Variants in SLC35F3 observed in about 807,000 individuals in gnomAD.
SLC35F3 encodes the protein putative thiamine transporter SLC35F3.
In SLC35F3, 25 loss-of-function variants were observed where a neutral mutation model predicts 49.9. That is an observed-to-expected ratio of 0.50 (90% CI 0.37 to 0.70). The LOEUF (loss-of-function observed/expected upper bound fraction) is 0.70, where lower values mean the gene tolerates loss of function less well. Ranked by LOEUF, SLC35F3 falls within the 30% of genes least tolerant of loss-of-function variation. The pLI is 0.00. For synonymous variants in SLC35F3, 275 were observed against 265.4 expected (o/e 1.04, Z -0.35); for missense variants, 525 against 639.8 (o/e 0.82, Z 1.94).
intron 2 of SLC35F3, among the ~76,000 whole-genome samples, chr1:234,059,075 G>A (rs979092719): frequency 2.0e-5 from 3 of 152,008 alleles, no homozygotes; most frequent in African/African-American, 7.2e-5. Flanking sequence ...TTCTTGGTCA[G>A]TCTAGCTACT....
At chr1:234,149,433 G>A (rs1049570408) in intron 2 of SLC35F3, among the ~76,000 whole-genome samples, 1 of 152,180 alleles carries the variant, frequency 6.6e-6, no homozygotes, top group African/African-American at 2.4e-5. Context: ...ATGGTGATGT[G>A]CCTGCTGACT....
chr1:234,146,481 C>CTTTTTTTTTTTTTTTTTTTTTTTT (rs869146212), intron 2 of SLC35F3, among the ~76,000 whole-genome samples: 4 of 74,050 alleles, frequency 5.4e-5, no homozygotes, highest in Non-Finnish European at 6.8e-5. Flanking sequence ...GATATTTGCT[C>CTTTTTTTTTTTTTTTTTTTTTTTT]TTTTTTTTTT....
intron 2 of SLC35F3, among the ~76,000 whole-genome samples, chr1:233,978,573 C>T (rs1449453463): frequency 6.6e-6 from 1 of 152,216 alleles, no homozygotes; most frequent in Non-Finnish European, 1.5e-5. Context: ...ACTGCGGCTG[C>T]AATCCAGGAT....
intron 2 of SLC35F3, among the ~76,000 whole-genome samples, chr1:234,083,384 G>A (rs1319780878): frequency 6.6e-6 from 1 of 152,148 alleles, no homozygotes; most frequent in Non-Finnish European, 1.5e-5. Context: ...TTAGTATCTT[G>A]TTTTTTCATT....
At chr1:234,113,891 G>T (rs1211152295) in intron 2 of SLC35F3, among the ~76,000 whole-genome samples, 1 of 152,122 alleles carries the variant, frequency 6.6e-6, no homozygotes, top group Admixed American at 6.5e-5. Flanking sequence ...AAAAGGTTTT[G>T]GTGACACGTA....
chr1:234,191,519 A>G (rs1459270280), intron 2 of SLC35F3, among the ~76,000 whole-genome samples: 2 of 152,162 alleles, frequency 1.3e-5, no homozygotes, highest in African/African-American at 2.4e-5. Flanking sequence ...TAGGCAATCT[A>G]AGACCACACC....
At chr1:234,118,334 G>A (rs1665523309) in intron 2 of SLC35F3, among the ~76,000 whole-genome samples, 2 of 152,120 alleles carry the variant, frequency 1.3e-5, no homozygotes, top group Admixed American at 6.5e-5. Context: ...TGTATGAAGA[G>A]TTTGTATCGT....
chr1:234,196,794 T>C (rs981849354), intron 2 of SLC35F3, among the ~76,000 whole-genome samples: 1 of 152,018 alleles, frequency 6.6e-6, no homozygotes, highest in Admixed American at 6.6e-5. Flanking sequence ...ATACAAAAAT[T>C]AGCCAGGCGT....
chr1:234,043,984 T>C (rs1469549482), intron 2 of SLC35F3, among the ~76,000 whole-genome samples: 1 of 152,198 alleles, frequency 6.6e-6, no homozygotes, highest in East Asian at 1.9e-4. Flanking sequence ...TGAAATTTAG[T>C]TGCCAATGTA....
intron 2 of SLC35F3, among the ~76,000 whole-genome samples, chr1:233,961,643 A>T (rs1428527174): frequency 6.6e-6 from 1 of 151,778 alleles, no homozygotes; most frequent in Non-Finnish European, 1.5e-5. Flanking sequence ...TTTGGTAGAG[A>T]TGGGGTTTCA....
chr1:234,323,377 T>A lies in SLC35F3; in HGVS notation c.*134T>A, dbSNP rs1388875695. 2.8e-6 allele frequency: 2 copies of A among 708,126 alleles called. No individual in the cohort carries two copies. Among genetic ancestry groups the A allele is most frequent in the African/African-American group, 1.8e-5 (1 of 55,786 alleles). 43.9% of individuals were successfully genotyped at this position (708,126 alleles called of 1,614,324 possible). On this transcript the variant is annotated 3_prime_UTR_variant, in exon 8 of 8. Transcript: ENST00000366618. This position sits in a 1 kb window ranked among gnomAD's most constrained non-coding sequence, Gnocchi z 4.5. ...AAGTTCTATGGTATTTATTGGCATG[T>A]CCAATTTGCTTGCACTTTTCCACAT...
In SLC35F3 at chr1:233,904,774, G is replaced by T. The variant is rs1303808612; in HGVS notation, c.-304G>T. 2.0e-5 allele frequency among the ~76,000 whole-genome samples: 3 copies of T among 151,574 alleles called. No homozygotes were observed. The highest frequency in any genetic ancestry group is 2.9e-5 in the Non-Finnish European group (2 of 67,842). ...ACTCACGCCTGCGGTGTGCTAGGGC[G>T]GCGGCGACGGTGACGGGCGTGGGGC... On this transcript the variant is annotated 5_prime_UTR_variant, in exon 1 of 8. Transcript: ENST00000366618.
At chr1:233,991,417 C>T (rs61088922) in intron 2 of SLC35F3, among the ~76,000 whole-genome samples, 8,625 of 150,398 alleles carry the variant, frequency 0.057, 605 homozygotes, top group African/African-American at 0.17. Flanking sequence ...TCAGATCCTG[C>T]AAACTAACTT....
chr1:234,318,869 C>A lies in SLC35F3; in HGVS notation c.1073C>A (p.Thr358Asn). The A allele has an allele frequency of 6.2e-7, 1 of 1,614,058 alleles. No homozygotes were observed. Among genetic ancestry groups the A allele is most frequent in the South Asian group, 1.1e-5 (1 of 91,084 alleles). Residue 358 changes from threonine (T) to asparagine (N), a missense_variant, in exon 6 of 8, where the codon ACC becomes AAC. By Grantham distance (65) the Thr-to-Asn change is moderately conservative (BLOSUM62 0). Coordinates refer to ENST00000366618, the MANE Select transcript of SLC35F3 (RefSeq NM_173508.4). ...ITCIPIILYF[T>N]KVEYWSSFDD... ...TGCATTCCTATTATCCTCTACTTTA[C>A]CAAAGTGGAATACTGGAGCTCTTTT...
At chr1:234,215,288 G>T (rs1326048079) in intron 2 of SLC35F3, among the ~76,000 whole-genome samples, 1 of 152,200 alleles carries the variant, frequency 6.6e-6, no homozygotes, top group Non-Finnish European at 1.5e-5. Context: ...GGAAATGTGA[G>T]CGAGAGGACA....
intron 2 of SLC35F3, among the ~76,000 whole-genome samples, chr1:233,907,561 G>A (rs79323555): frequency 1.3e-3 from 205 of 152,314 alleles, no homozygotes; most frequent in African/African-American, 4.5e-3. Context: ...CTCTATTCCT[G>A]TGAGGATTCT....
In SLC35F3 at chr1:233,904,917, C is replaced by G. The variant is rs1469121704; in HGVS notation, c.-161C>G. Reference sequence around the variant, plus strand: ...CGCCGCGGAGGCGCTCGGGTACAGACCGCGCGGGCGCGCACAAAGCGGCCC... The same window carrying G: ...CGCCGCGGAGGCGCTCGGGTACAGAGCGCGCGGGCGCGCACAAAGCGGCCC... On this transcript the variant is annotated 5_prime_UTR_variant, in exon 1 of 8. Coordinates refer to ENST00000366618, the MANE Select transcript of SLC35F3 (RefSeq NM_173508.4). 1.5e-6 allele frequency: 1 copy of G among 684,538 alleles called. No homozygotes were observed. The allele number at this position is 684,538 out of a possible 1,614,324, so 42.4% of individuals were successfully genotyped here. A position where few individuals can be genotyped will look rare whatever the true frequency, so the allele number is the denominator to read the frequency against.
chr1:234,169,202 AC>A (rs1319067663), intron 2 of SLC35F3, among the ~76,000 whole-genome samples: 1 of 152,092 alleles, frequency 6.6e-6, no homozygotes, highest in Non-Finnish European at 1.5e-5. Context: ...GAGGATGCCC[AC>A]CCGCATTGGC....
chr1:234,200,771 G>T (rs141920041), intron 2 of SLC35F3, among the ~76,000 whole-genome samples: 432 of 152,260 alleles, frequency 2.8e-3, no homozygotes, highest in Non-Finnish European at 4.0e-3. Flanking sequence ...TGAAATGCAG[G>T]CAGGTCCCAT....
Sources: gnomAD v4.1 joint callset for allele counts (sites outside exome capture counted in the v4.1 genomes callset) on GRCh38, gnomAD v4.1.1 for gene constraint, Gnocchi (gnomAD v3.1) non-coding constraint, MANE v1.5 for transcripts, NCBI Gene and HGNC (gene_info 2026-07-23, HGNC 2026-07-21) for gene names.